NFIB: variants seen among roughly 807,000 people sequenced by gnomAD.
NFIB encodes the protein nuclear factor 1 B-type.
A neutral mutation model predicts 61.5 loss-of-function variants in NFIB; 11 were observed. The observed-to-expected ratio is 0.18, with a 90% CI of 0.11 to 0.30. The LOEUF (loss-of-function observed/expected upper bound fraction) is 0.30. Ranked by LOEUF, NFIB falls within the 10% of genes least tolerant of loss-of-function variation. The probability of loss-of-function intolerance (pLI) is 1.00; values close to 1 mark genes in which losing one functional copy is unlikely to be tolerated. For missense variants in NFIB, 471 were observed against 608.9 expected (o/e 0.77, Z 2.38); for synonymous variants, 260 against 216.5 (o/e 1.20, Z -1.76).
chr9:14,430,575 TA>T, the NFIB span, among the ~76,000 whole-genome samples: 1 of 51,988 alleles, frequency 1.9e-5, no homozygotes, highest in Admixed American at 1.3e-4. Context: ...CCTGAAATGC[TA>T]TTTATTTATT....
Position 14,088,141 on chromosome 9 carries a change from CTT to C in NFIB, c.*166_*167del. 3.0e-6 allele frequency: 4 copies of C among 1,354,254 alleles called. No homozygotes were observed. Among genetic ancestry groups the C allele is most frequent in the Non-Finnish European group, 2.9e-6 (3 of 1,029,192 alleles). 83.9% of individuals were successfully genotyped at this position (1,354,254 alleles called of 1,614,324 possible). A position where few individuals can be genotyped will look rare whatever the true frequency, so the allele number is the denominator to read the frequency against. ...TGTTTTGTCCAGTCTTCCTCTTTTC[CTT>C]TTTTTTTATTTAAAAAAAAAATTTC... is the stretch of plus-strand genomic sequence containing the variant. On this transcript the variant is annotated 3_prime_UTR_variant, in exon 11 of 11. Coordinates refer to ENST00000380953, the MANE Select transcript of NFIB (RefSeq NM_001190737.2).
intron 2 of NFIB, among the ~76,000 whole-genome samples, chr9:14,298,692 G>C (rs2059585081): frequency 6.6e-6 from 1 of 152,092 alleles, no homozygotes; most frequent in South Asian, 2.1e-4. Context: ...GGGCCTTTTT[G>C]TCAGCTATTA....
Position 14,146,813 on chromosome 9 carries a change from A to C in NFIB, c.807-6T>G. ...ATATAGTTTTGGGTCTTTTGCTGTTAAAATATGGCAATAGTTATATTAATG... is the reference window on the plus strand; with the variant it reads ...ATATAGTTTTGGGTCTTTTGCTGTTCAAATATGGCAATAGTTATATTAATG... On this transcript the variant is annotated splice_polypyrimidine_tract_variant and splice_region_variant and intron_variant, in intron 5 of 10. Transcript: ENST00000380953. 1 of 1,603,534 alleles carries C rather than the reference A, an allele frequency of 6.2e-7. No homozygotes were observed. Among genetic ancestry groups the C allele is most frequent in the South Asian group, 1.1e-5 (1 of 88,164 alleles).
At chr9:14,189,269 C>CA (rs2047682804) in intron 2 of NFIB, among the ~76,000 whole-genome samples, 1 of 152,158 alleles carries the variant, frequency 6.6e-6, no homozygotes, top group Non-Finnish European at 1.5e-5. Flanking sequence ...ATTTCATTGG[C>CA]AATCTTTCTT....
intron 1 of NFIB, among the ~76,000 whole-genome samples, chr9:14,359,216 C>A (rs1564029840): frequency 6.6e-6 from 1 of 152,174 alleles, no homozygotes; most frequent in Non-Finnish European, 1.5e-5. Context: ...CAAATCCTAG[C>A]CTGTGGAACT....
chr9:14,100,008 G>A (rs2035485305), intron 10 of NFIB, among the ~76,000 whole-genome samples: 1 of 152,126 alleles, frequency 6.6e-6, no homozygotes, highest in Admixed American at 6.6e-5. Context: ...GGGAAGCGGA[G>A]GTTGCAGTGA....
the NFIB span, among the ~76,000 whole-genome samples, chr9:14,525,944 T>C: frequency 2.6e-5 from 4 of 152,184 alleles, no homozygotes; most frequent in Admixed American, 2.6e-4. Context: ...ATATGTGTCG[T>C]GGACCTTGTA....
the NFIB span, among the ~76,000 whole-genome samples, chr9:14,485,010 AAG>A: frequency 6.6e-6 from 1 of 151,778 alleles, no homozygotes; most frequent in African/African-American, 2.4e-5. Flanking sequence ...GAGAGAGAGA[AAG>A]AGAGAGAGAG....
At chr9:14,509,496 T>C in the NFIB span, among the ~76,000 whole-genome samples, 1 of 152,342 alleles carries the variant, frequency 6.6e-6, no homozygotes, top group African/African-American at 2.4e-5. Context: ...TGGTATTAAA[T>C]ACTTCCTAAC....
At chr9:14,502,698 A>G in the NFIB span, among the ~76,000 whole-genome samples, 1 of 152,148 alleles carries the variant, frequency 6.6e-6, no homozygotes. Context: ...CCTAGGGGGA[A>G]GTTTTATTTA....
chr9:14,374,367 CATGGAAAAT>C (rs1183789515), intron 1 of NFIB, among the ~76,000 whole-genome samples: 17 of 152,288 alleles, frequency 1.1e-4, no homozygotes, highest in African/African-American at 3.4e-4. Flanking sequence ...GGACACCCCA[CATGGAAAAT>C]AAGTGAGAAA....
chr9:14,511,894 T>C, the NFIB span, among the ~76,000 whole-genome samples: 74,808 of 151,970 alleles, frequency 0.49, 18,950 homozygotes, highest in Middle Eastern at 0.62. Flanking sequence ...AATCATTTCA[T>C]CCAGTCAGAA....
chr9:14,171,213 G>A lies in NFIB; in HGVS notation c.616+8514C>T, dbSNP rs117769169. On this transcript the variant is annotated intron_variant, in intron 3 of 10. Transcript: ENST00000380953. ...CTTATGAACCTATATTCTATGTCACGGCTTTAAATGCTGCTCAAGCCTTGC... is the reference window on the plus strand; with the variant it reads ...CTTATGAACCTATATTCTATGTCACAGCTTTAAATGCTGCTCAAGCCTTGC... 1.8e-4 allele frequency among the ~76,000 whole-genome samples: 28 copies of A among 152,236 alleles called. No individual in the cohort carries two copies. The East Asian group carries it at 4.3e-3, about 23-fold the overall frequency.
In NFIB at chr9:14,388,367, A is replaced by AGAAGGAAGGAAGGAAG. The variant is rs55755915; in HGVS notation, c.108+10141_108+10156dup. ...GAGACCTTTTCAAAAAGAGAAAGAAAGAAGGAAGGAAGGAAGGAAGGAAGG... is the reference window on the plus strand; with the variant it reads ...GAGACCTTTTCAAAAAGAGAAAGAAAGAAGGAAGGAAGGAAGGAAGGAAGGAAGGAAGGAAGGAAGG... On this transcript the variant is annotated intron_variant, in intron 1 of 8. Transcript: ENST00000380934. Among the ~76,000 whole-genome samples, 3 of 131,808 alleles carry AGAAGGAAGGAAGGAAG rather than the reference A, an allele frequency of 2.3e-5. No individual in the cohort carries two copies. The Admixed American group carries it at 2.4e-4, about 11-fold the overall frequency. The allele number at this position is 131,808 out of a possible 152,430, so 86.5% of individuals were successfully genotyped here.
At chr9:14,358,181 T>A (rs975256534) in intron 1 of NFIB, among the ~76,000 whole-genome samples, 2 of 150,360 alleles carry the variant, frequency 1.3e-5, no homozygotes, top group Non-Finnish European at 3.0e-5. Context: ...ATAATTAATA[T>A]CTATTTATTG....
At chr9:14,415,084 GC>G in the NFIB span, among the ~76,000 whole-genome samples, 2 of 152,218 alleles carry the variant, frequency 1.3e-5, no homozygotes, top group Non-Finnish European at 2.9e-5. Context: ...CAGGTTGTCA[GC>G]CAGGCTGCAT....
intron 1 of NFIB, among the ~76,000 whole-genome samples, chr9:14,344,267 G>T (rs1490514276): frequency 6.6e-6 from 1 of 151,984 alleles, no homozygotes; most frequent in Non-Finnish European, 1.5e-5. Context: ...GACAGAAAGG[G>T]CCGAGAGAGG....
chr9:14,214,901 T>C (rs1420219667), intron 2 of NFIB, among the ~76,000 whole-genome samples: 2 of 152,214 alleles, frequency 1.3e-5, no homozygotes, highest in Non-Finnish European at 2.9e-5. Flanking sequence ...GAGATCTGAC[T>C]TCATAAAGTA....
intron 1 of NFIB, among the ~76,000 whole-genome samples, chr9:14,351,251 C>G (rs1477074387): frequency 6.6e-6 from 1 of 152,124 alleles, no homozygotes; most frequent in African/African-American, 2.4e-5. Flanking sequence ...GTGCTTTAGC[C>G]CAATTCTCTT....
Sources: gnomAD v4.1 joint callset for allele counts (sites outside exome capture counted in the v4.1 genomes callset) on GRCh38, gnomAD v4.1.1 for gene constraint, MANE v1.5 for transcripts, NCBI Gene and HGNC (gene_info 2026-07-23, HGNC 2026-07-21) for gene names.